Variants in RCSD1 observed in about 807,000 individuals in gnomAD.
RCSD1 encodes the protein RCSD domain containing 1.
In RCSD1, 26 loss-of-function variants were observed where a neutral mutation model predicts 42.5. The ratio of observed to expected loss-of-function variants is 0.61; its 90% confidence interval spans 0.45 to 0.85. RCSD1 has a LOEUF of 0.85. RCSD1 is among the 40% of genes least tolerant of loss of function. The pLI is 0.00. For synonymous variants in RCSD1, 220 were observed against 212.2 expected (o/e 1.04, Z -0.32); for missense variants, 571 against 528.3 (o/e 1.08, Z -0.79).
At chr1:167,661,119 A>G (rs1357540789) in intron 1 of RCSD1, among the ~76,000 whole-genome samples, 1 of 152,196 alleles carries the variant, frequency 6.6e-6, no homozygotes. Flanking sequence ...ACATATTGGG[A>G]TTTCCTTATT....
intron 1 of RCSD1, among the ~76,000 whole-genome samples, chr1:167,653,706 T>G (rs1365851220): frequency 1.3e-5 from 2 of 152,168 alleles, no homozygotes; most frequent in Non-Finnish European, 2.9e-5. Flanking sequence ...ATAAGTGCTA[T>G]GAGAGAGAAT....
At chr1:167,658,422 GTTGT>G (rs956572484) in intron 1 of RCSD1, among the ~76,000 whole-genome samples, 6 of 151,774 alleles carry the variant, frequency 4.0e-5, no homozygotes, top group African/African-American at 7.3e-5. Flanking sequence ...TTTTGTTGTT[GTTGT>G]TTGTTTGTTT....
chr1:167,679,472 C>T (rs1221488588), intron 1 of RCSD1, among the ~76,000 whole-genome samples: 1 of 152,196 alleles, frequency 6.6e-6, no homozygotes, highest in Non-Finnish European at 1.5e-5. Flanking sequence ...ATTCTAGAGT[C>T]ATTGCAGTAT....
chr1:167,660,782 C>T (rs935278999), intron 1 of RCSD1, among the ~76,000 whole-genome samples: 15 of 152,152 alleles, frequency 9.9e-5, no homozygotes, highest in Non-Finnish European at 2.1e-4. Context: ...CTTTAATTCA[C>T]TCTTGCATTT....
intron 1 of RCSD1, among the ~76,000 whole-genome samples, chr1:167,635,806 C>T (rs999181841): frequency 1.3e-5 from 2 of 152,192 alleles, no homozygotes; most frequent in Non-Finnish European, 2.9e-5. Flanking sequence ...AACCAACTCA[C>T]CAAGAGGTAT....
rs1659746675 is a variant in RCSD1, at chr1:167,705,871, C to G, written c.*1175C>G. On this transcript the variant is annotated 3_prime_UTR_variant, in exon 7 of 7. Transcript: ENST00000367854. ...TATCCTCTCCCCTCTTCATACACTC[C>G]TGCTGAAAAATGTTAATCCAAATAC... 6.6e-6 allele frequency: 1 copy of G among 152,194 alleles called. No individual in the cohort carries two copies. The highest frequency in any genetic ancestry group is 2.4e-5 in the African/African-American group (1 of 41,442). 9.4% of individuals were successfully genotyped at this position (152,194 alleles called of 1,614,324 possible).
chr1:167,666,288 C>A (rs1658654567), intron 1 of RCSD1, among the ~76,000 whole-genome samples: 1 of 152,164 alleles, frequency 6.6e-6, no homozygotes, highest in African/African-American at 2.4e-5. Context: ...AGTCTCAATT[C>A]TCTCATCAGT....
chr1:167,698,688 C>T (rs1659558740), intron 6 of RCSD1, among the ~76,000 whole-genome samples: 1 of 152,224 alleles, frequency 6.6e-6, no homozygotes, highest in Non-Finnish European at 1.5e-5. Context: ...AATTGTTTCA[C>T]CCGTCGCTTT....
chr1:167,653,773 A>G (rs1658362464), intron 1 of RCSD1, among the ~76,000 whole-genome samples: 1 of 152,214 alleles, frequency 6.6e-6, no homozygotes, highest in Non-Finnish European at 1.5e-5. Context: ...AGGCTTCTTA[A>G]AGAAGGCAGG....
chr1:167,642,161 C>T (rs1185697796), intron 1 of RCSD1, among the ~76,000 whole-genome samples: 2 of 152,202 alleles, frequency 1.3e-5, no homozygotes, highest in African/African-American at 4.8e-5. Context: ...AAGTACCATC[C>T]TCTCATGGCC....
intron 1 of RCSD1, among the ~76,000 whole-genome samples, chr1:167,635,707 C>T (rs566948551): frequency 6.6e-6 from 1 of 152,298 alleles, no homozygotes; most frequent in African/African-American, 2.4e-5. Flanking sequence ...CTGACCAACC[C>T]TATTCAACTC....
chr1:167,638,960 G>A (rs1012641064), intron 1 of RCSD1, among the ~76,000 whole-genome samples: 1 of 152,202 alleles, frequency 6.6e-6, no homozygotes, highest in African/African-American at 2.4e-5. Context: ...GCTTATGCCT[G>A]TAATCCCAGC....
At chr1:167,664,829 C>T (rs1433242515) in intron 1 of RCSD1, 1 of 152,226 alleles carries the variant, frequency 6.6e-6, no homozygotes, top group African/African-American at 2.4e-5. Context: ...CAACTGAGGT[C>T]AAGAGTTCAA....
intron 6 of RCSD1, among the ~76,000 whole-genome samples, chr1:167,702,446 G>A (rs1659664957): frequency 6.6e-6 from 1 of 152,176 alleles, no homozygotes; most frequent in Admixed American, 6.5e-5. Flanking sequence ...CTGAAAAGAG[G>A]GCACAGAATC....
At chr1:167,695,271 A>G (rs72697735) in intron 5 of RCSD1, among the ~76,000 whole-genome samples, 6,946 of 152,292 alleles carry the variant, frequency 0.046, 211 homozygotes, top group Middle Eastern at 0.12. Context: ...GCAGGGAGGG[A>G]GGAGCTGCTG....
intron 1 of RCSD1, among the ~76,000 whole-genome samples, chr1:167,678,812 C>T (rs971181311): frequency 1.3e-5 from 2 of 152,216 alleles, no homozygotes; most frequent in Admixed American, 1.3e-4. Flanking sequence ...CTTGTTGTCC[C>T]TGCCACCCTT....
At chr1:167,658,831 C>T (rs1271712236) in intron 1 of RCSD1, among the ~76,000 whole-genome samples, 1 of 151,704 alleles carries the variant, frequency 6.6e-6, no homozygotes, top group Non-Finnish European at 1.5e-5. Flanking sequence ...TAGTGTTTTG[C>T]TGCTGTAAAC....
intron 5 of RCSD1, 23 bp downstream of exon 5, chr1:167,694,325 G>T: frequency 6.2e-7 from 1 of 1,606,172 alleles, no homozygotes; most frequent in Non-Finnish European, 8.5e-7. Flanking sequence ...TCCAGATTAT[G>T]GCGGTGTGTC....
intron 1 of RCSD1, among the ~76,000 whole-genome samples, chr1:167,646,450 A>G (rs1469194838): frequency 2.2e-3 from 29 of 13,330 alleles, no homozygotes; most frequent in African/African-American, 5.0e-4. Flanking sequence ...CTTTTCTAAA[A>G]AAAAAAAAAA....
Sources: gnomAD v4.1 joint callset for allele counts (sites outside exome capture counted in the v4.1 genomes callset) on GRCh38, gnomAD v4.1.1 for gene constraint, MANE v1.5 for transcripts, NCBI Gene and HGNC (gene_info 2026-07-23, HGNC 2026-07-21) for gene names.